The following THOP1 variants were observed in gnomAD, a reference collection of about 807,000 sequenced individuals.
THOP1 encodes thimet oligopeptidase.
In THOP1, 49 loss-of-function variants were observed where a neutral mutation model predicts 71.8. That is an observed-to-expected ratio of 0.68 (90% confidence interval 0.54 to 0.87). The LOEUF is 0.87. THOP1 is among the 40% of genes least tolerant of loss of function. The pLI is 0.00. For missense variants in THOP1, 843 were observed against 975.6 expected, an observed-to-expected ratio of 0.86 and a Z score of 1.81; for synonymous variants, 426 against 421.5, an observed-to-expected ratio of 1.01 and a Z score of -0.13.
chr19:2,805,607 G>A lies in THOP1; in HGVS notation c.750+431G>A, dbSNP rs1018949991. On this transcript the variant is annotated intron_variant, in intron 6 of 12. Transcript: ENST00000307741. The surrounding 1 kb of genome is among the most constrained non-coding windows in gnomAD (Gnocchi z 6.6). Reference sequence around the variant, plus strand: ...TCGCTGTGACTGGCGTCAGACGGCCGTTCCCACAGGGACACATGTAACTGT... The same window carrying A: ...TCGCTGTGACTGGCGTCAGACGGCCATTCCCACAGGGACACATGTAACTGT... Among the ~76,000 whole-genome samples, 3 of 152,158 alleles carry A rather than the reference G, an allele frequency of 2.0e-5. No individual in the cohort carries two copies. The highest frequency in any genetic ancestry group is 2.1e-4 in the South Asian group (1 of 4,832).
rs566283506 is a variant in THOP1, at chr19:2,792,708, G to A, written c.230-2056G>A. 1.1e-4 allele frequency among the ~76,000 whole-genome samples: 16 copies of A among 149,884 alleles called. No individual in the cohort carries two copies. In the South Asian group the frequency reaches 3.4e-3, roughly 32 times the overall value. ...CTCGCTCTGTCACCCAGGTTGGAGT[G>A]CATGGTGCTGTCATGGCTCACTGCA... On this transcript the variant is annotated intron_variant, in intron 2 of 12. Coordinates refer to ENST00000307741, the MANE Select transcript of THOP1 (RefSeq NM_003249.5).
Position 2,790,416 on chromosome 19 carries a change from C to T in THOP1, c.17-5C>T, listed in dbSNP as rs200999206. 9.8e-6 allele frequency: 15 copies of T among 1,530,578 alleles called. No individual in the cohort carries two copies. The Admixed American group carries it at 1.5e-4, about 15-fold the overall frequency. The allele number at this position is 1,530,578 out of a possible 1,614,324, so 94.8% of individuals were successfully genotyped here. A position where few individuals can be genotyped will look rare whatever the true frequency, so the allele number is the denominator to read the frequency against. The stretch of plus-strand genomic sequence containing the variant: ...CGCCCGGCACTGGGTTTTGTTTCTG[C>T]GTAGCCTGTGCAGGAGACATGGCGG... On this transcript the variant is annotated splice_region_variant and splice_polypyrimidine_tract_variant and intron_variant, in intron 1 of 12. Transcript: ENST00000307741.
chr19:2,812,486 A>C (rs1599534977), intron 12 of THOP1: 3 of 1,239,504 alleles, frequency 2.4e-6, no homozygotes, highest in Non-Finnish European at 3.1e-6. Flanking sequence ...CCCAGCAGGG[A>C]CCTCCCCCCT....
At chr19:2,807,182 C>A in intron 7 of THOP1, 130 bp downstream of exon 7, 1 of 1,325,180 alleles carries the variant, frequency 7.5e-7, no homozygotes, top group Non-Finnish European at 1.0e-6. Context: ...GACGCCTGCC[C>A]TGGCTCCCTC....
At position 2,804,113 on chromosome 19, in the gene THOP1, G is replaced by A. The variant is rs979332301; in HGVS notation, c.590-903G>A. ...CCCGATCATTCTTTCCACTCTGACC[G>A]CCCTGGGGTTGAGGTGAACCAGTCT... is the stretch of plus-strand genomic sequence containing the variant. On this transcript the variant is annotated intron_variant, in intron 5 of 12. Coordinates refer to ENST00000307741, the MANE Select transcript of THOP1 (RefSeq NM_003249.5). The surrounding 1 kb of genome is among the most constrained non-coding windows in gnomAD (Gnocchi z 4.7). Among the ~76,000 whole-genome samples, 2 of 152,140 alleles carry A rather than the reference G, an allele frequency of 1.3e-5. No individual in the cohort carries two copies. Among genetic ancestry groups the A allele is most frequent in the African/African-American group, 2.4e-5 (1 of 41,432 alleles).
rs796655845 is a variant in THOP1, at chr19:2,804,871, G to A, written c.590-145G>A. On this transcript the variant is annotated intron_variant, in intron 5 of 12. Coordinates refer to ENST00000307741, the MANE Select transcript of THOP1 (RefSeq NM_003249.5). This position sits in a 1 kb window ranked among gnomAD's most constrained non-coding sequence, Gnocchi z 4.7. ...AGATGGGGGATGTAAGAATTGCAGCGGGTGGTGGCCAGGCTGCAGCTGCTC... is the reference window on the plus strand; with the variant it reads ...AGATGGGGGATGTAAGAATTGCAGCAGGTGGTGGCCAGGCTGCAGCTGCTC... 6 of 736,906 alleles carry A rather than the reference G, an allele frequency of 8.1e-6. No homozygotes were observed. Among genetic ancestry groups the A allele is most frequent in the Admixed American group, 3.1e-5 (1 of 32,692 alleles). The allele number at this position is 736,906 out of a possible 1,614,324, so 45.6% of individuals were successfully genotyped here. A position where few individuals can be genotyped will look rare whatever the true frequency, so the allele number is the denominator to read the frequency against.
chr19:2,790,544 T>C lies in THOP1; in HGVS notation c.140T>C (p.Val47Ala), dbSNP rs772738805. ...GAGCTCATCGAGCAGACCAAGCGCG[T>C]GTATGACCAGGTTGGCACCCAGGAG... is the stretch of plus-strand genomic sequence containing the variant. Reference protein sequence around the residue: ...TRELIEQTKRVYDQVGTQEFE... With the variant: ...TRELIEQTKRAYDQVGTQEFE... Residue 47 changes from valine to alanine, a missense_variant, in exon 2 of 13, where the codon GTG becomes GCG. Transcript: ENST00000307741. 1 of 1,607,848 alleles carries C rather than the reference T, an allele frequency of 6.2e-7. No homozygotes were observed. Among genetic ancestry groups the C allele is most frequent in the African/African-American group, 1.3e-5 (1 of 74,674 alleles).
At position 2,813,801 on chromosome 19, in the gene THOP1, C is replaced by T. The variant is rs1916548926; in HGVS notation, c.*525C>T. ...AGGCCGGCCTGGGGGGTCTGAGAGA[C>T]TTCGGCTTCCTGCATGCTTCTCACC... On this transcript the variant is annotated 3_prime_UTR_variant, in exon 13 of 13. Coordinates refer to ENST00000307741, the MANE Select transcript of THOP1 (RefSeq NM_003249.5). 6.5e-6 allele frequency: 1 copy of T among 153,404 alleles called. No individual in the cohort carries two copies. Among genetic ancestry groups the T allele is most frequent in the African/African-American group, 2.4e-5 (1 of 41,406 alleles). The allele number at this position is 153,404 out of a possible 1,614,324, so 9.5% of individuals were successfully genotyped here. A position where few individuals can be genotyped will look rare whatever the true frequency, so the allele number is the denominator to read the frequency against.
intron 2 of THOP1, among the ~76,000 whole-genome samples, chr19:2,794,266 C>T (rs1443914768): frequency 1.2e-4 from 18 of 152,058 alleles, no homozygotes; most frequent in East Asian, 3.9e-4. Context: ...CTGCCTGCCT[C>T]GGCCTCCCAA....
rs1916104297 is a variant in THOP1, at chr19:2,799,807, T to C, written c.589+16T>C. Reference sequence around the variant, plus strand: ...CAGGAGCTAGGTAGGGGCCGAGCAGTGGGGCACGGGTGGCCATCGGTCCTG... The same window carrying C: ...CAGGAGCTAGGTAGGGGCCGAGCAGCGGGGCACGGGTGGCCATCGGTCCTG... On this transcript the variant is annotated intron_variant, in intron 5 of 12. Transcript: ENST00000307741. 1.9e-6 allele frequency: 3 copies of C among 1,609,086 alleles called. No homozygotes were observed. Among genetic ancestry groups the C allele is most frequent in the Non-Finnish European group, 2.6e-6 (3 of 1,176,162 alleles).
intron 11 of THOP1, among the ~76,000 whole-genome samples, chr19:2,811,306 G>A (rs925881004): frequency 5.9e-5 from 9 of 152,246 alleles, no homozygotes; most frequent in Non-Finnish European, 1.0e-4. Flanking sequence ...TGTTGCGTGG[G>A]CGTGCCTTGC....
chr19:2,795,319 C>T (rs1013907420), intron 3 of THOP1, among the ~76,000 whole-genome samples: 15 of 152,254 alleles, frequency 9.9e-5, no homozygotes, highest in Non-Finnish European at 2.2e-4. Context: ...ACACCCCATC[C>T]CCACATGGCG....
rs1916235068 is a variant in THOP1, at chr19:2,804,244, T to C, written c.590-772T>C. 6.6e-6 allele frequency among the ~76,000 whole-genome samples: 1 copy of C among 152,176 alleles called. No homozygotes were observed. Among genetic ancestry groups the C allele is most frequent in the South Asian group, 2.1e-4 (1 of 4,826 alleles). The stretch of plus-strand genomic sequence containing the variant: ...TCCGGGATGCTGCCGCCCCCACTTC[T>C]CTTGAGGCTGTCGGGCAGGGGCCAG... On this transcript the variant is annotated intron_variant, in intron 5 of 12. Transcript: ENST00000307741. This position sits in a 1 kb window ranked among gnomAD's most constrained non-coding sequence, Gnocchi z 4.7.
chr19:2,787,728 C>T (rs1915781524), intron 1 of THOP1, among the ~76,000 whole-genome samples: 1 of 152,196 alleles, frequency 6.6e-6, no homozygotes, highest in African/African-American at 2.4e-5. Context: ...TGTGCTACCT[C>T]TGGGGACACT....
intron 3 of THOP1, among the ~76,000 whole-genome samples, chr19:2,795,202 C>T (rs574843596): frequency 2.2e-4 from 34 of 152,302 alleles, no homozygotes; most frequent in African/African-American, 7.7e-4. Context: ...TCAGGTGATC[C>T]GCCCGCCTTG....
At chr19:2,812,488 C>T (rs1397347174) in intron 12 of THOP1, 9 of 1,237,158 alleles carry the variant, frequency 7.3e-6, no homozygotes, top group Non-Finnish European at 9.5e-6. Flanking sequence ...CAGCAGGGAC[C>T]TCCCCCCTCC....
intron 9 of THOP1, chr19:2,810,002 C>T (rs998894822): frequency 1.3e-5 from 6 of 462,874 alleles, no homozygotes; most frequent in Non-Finnish European, 2.3e-5. Context: ...GGTCCCAACC[C>T]CTCGGGGTGC....
intron 2 of THOP1, among the ~76,000 whole-genome samples, chr19:2,793,877 T>A (rs1179971659): frequency 1.3e-5 from 2 of 152,152 alleles, no homozygotes; most frequent in Non-Finnish European, 2.9e-5. Flanking sequence ...ATGGACCTTT[T>A]GTCAATTGTG....
rs771666514 is a variant in THOP1, at chr19:2,806,926, G to A, written c.760G>A (p.Ala254Thr). The change falls in exon 7 of 13, where the codon GCT becomes ACT. Residue 254 changes from alanine to threonine, a missense_variant. By Grantham distance (58) the Ala-to-Thr change is moderately conservative (BLOSUM62 0). Coordinates refer to ENST00000307741, the MANE Select transcript of THOP1 (RefSeq NM_003249.5). ...FNCRCKEENC[A>T]ILKELVTLRA... ...GTGGTGTCGGTTGCAGGAGAACTGC[G>A]CTATCCTCAAGGAGCTGGTGACGCT... is the stretch of plus-strand genomic sequence containing the variant. The A allele has an allele frequency of 8.7e-6, 14 of 1,612,890 alleles. No homozygotes were observed. The highest frequency in any genetic ancestry group is 8.0e-5 in the African/African-American group (6 of 74,904).
Sources: gnomAD v4.1 joint callset for allele counts (sites outside exome capture counted in the v4.1 genomes callset) on GRCh38, gnomAD v4.1.1 for gene constraint, Gnocchi (gnomAD v3.1) non-coding constraint, MANE v1.5 for transcripts, NCBI Gene and HGNC (gene_info 2026-07-23, HGNC 2026-07-21) for gene names.